PPM1E: variants seen among roughly 807,000 people sequenced by gnomAD.
PPM1E encodes protein phosphatase 1E.
PPM1E carries 20 observed loss-of-function variants against 65.9 expected under a neutral mutation model. The ratio of observed to expected loss-of-function variants is 0.30; its 90% CI spans 0.21 to 0.44. The LOEUF (loss-of-function observed/expected upper bound fraction) is 0.44, where lower values mean the gene tolerates loss of function less well. Among genes scored for constraint, PPM1E ranks in the 20% least tolerant of loss-of-function variants. The pLI is 1.00. For missense variants in PPM1E, 713 were observed against 953.1 expected (o/e 0.75, Z 3.32); for synonymous variants, 352 against 374.9 (o/e 0.94, Z 0.70).
At chr17:58,762,067 C>A (rs1208130902) in intron 1 of PPM1E, among the ~76,000 whole-genome samples, 1 of 152,020 alleles carries the variant, frequency 6.6e-6, no homozygotes, top group Non-Finnish European at 1.5e-5. Flanking sequence ...GGGGGTTGAC[C>A]GTGGCATCCT....
intron 1 of PPM1E, among the ~76,000 whole-genome samples, chr17:58,850,646 G>A (rs1476225497): frequency 6.6e-6 from 1 of 152,130 alleles, no homozygotes; most frequent in Non-Finnish European, 1.5e-5. Flanking sequence ...CAAGAGATCC[G>A]CTATTAGTCT....
At chr17:58,975,665 G>C (rs147112828) in intron 6 of PPM1E, among the ~76,000 whole-genome samples, 1 of 152,324 alleles carries the variant, frequency 6.6e-6, no homozygotes, top group East Asian at 1.9e-4. Context: ...GGAGGTTAGA[G>C]CAGAGATGGG....
chr17:58,841,034 G>A (rs1385204615), intron 1 of PPM1E, among the ~76,000 whole-genome samples: 3 of 152,108 alleles, frequency 2.0e-5, no homozygotes, highest in African/African-American at 4.8e-5. Flanking sequence ...TTGTGCAAAC[G>A]GGATGTTTGT....
Position 58,838,016 on chromosome 17 carries a change from A to G in PPM1E, c.464+81555A>G, listed in dbSNP as rs527778923. On this transcript the variant is annotated intron_variant, in intron 1 of 6. Coordinates refer to ENST00000308249, the MANE Select transcript of PPM1E (RefSeq NM_014906.5). ...ATTAAGAAAGTCCTCTGGAATGTAA[A>G]CATAGATGTTATACCTGTCACAAAA... is the stretch of plus-strand genomic sequence containing the variant. Among the ~76,000 whole-genome samples, 3 of 152,312 alleles carry G rather than the reference A, an allele frequency of 2.0e-5. No individual in the cohort carries two copies. In the South Asian group the frequency reaches 6.2e-4, roughly 32 times the overall value.
intron 1 of PPM1E, among the ~76,000 whole-genome samples, chr17:58,852,755 C>T (rs2050840612): frequency 6.6e-6 from 1 of 151,954 alleles, no homozygotes; most frequent in Non-Finnish European, 1.5e-5. Flanking sequence ...AGGTGCACAC[C>T]ACCACATCCA....
intron 1 of PPM1E, among the ~76,000 whole-genome samples, chr17:58,924,781 T>C: frequency 7.5e-6 from 1 of 132,572 alleles, no homozygotes; most frequent in East Asian, 2.6e-4. Context: ...CCTGTGTCCA[T>C]GTGTTCTCCT....
chr17:58,909,823 TC>T (rs1304027585), intron 1 of PPM1E, among the ~76,000 whole-genome samples: 6 of 151,986 alleles, frequency 3.9e-5, no homozygotes, highest in Admixed American at 3.9e-4. Flanking sequence ...TTCTTGGTGT[TC>T]TCTGAGATTT....
intron 1 of PPM1E, among the ~76,000 whole-genome samples, chr17:58,935,966 C>T (rs1044761445): frequency 6.6e-6 from 1 of 151,444 alleles, no homozygotes; most frequent in Non-Finnish European, 1.5e-5. Flanking sequence ...TGCTATCTCT[C>T]CCCCCTCCCG....
chr17:58,891,624 G>A (rs1294926747), intron 1 of PPM1E, among the ~76,000 whole-genome samples: 1 of 151,922 alleles, frequency 6.6e-6, no homozygotes, highest in Non-Finnish European at 1.5e-5. Context: ...CGCCTGGCTG[G>A]ATATATATCA....
At chr17:58,805,094 T>C (rs908012061) in intron 1 of PPM1E, among the ~76,000 whole-genome samples, 3 of 152,056 alleles carry the variant, frequency 2.0e-5, no homozygotes, top group African/African-American at 7.2e-5. Context: ...AGATCAACTT[T>C]TTAAAATTTT....
At chr17:58,758,222 A>G (rs1374339911) in intron 1 of PPM1E, among the ~76,000 whole-genome samples, 1 of 151,984 alleles carries the variant, frequency 6.6e-6, no homozygotes, top group Non-Finnish European at 1.5e-5. Flanking sequence ...TGATGGCAAG[A>G]AGATGTGTGT....
At chr17:58,828,873 GA>G (rs2143168445) in intron 1 of PPM1E, among the ~76,000 whole-genome samples, 1 of 152,148 alleles carries the variant, frequency 6.6e-6, no homozygotes, top group East Asian at 1.9e-4. Flanking sequence ...TTTTATTCTA[GA>G]AGATAAAGAT....
chr17:58,893,197 A>G (rs1290666889), intron 1 of PPM1E, among the ~76,000 whole-genome samples: 1 of 152,244 alleles, frequency 6.6e-6, no homozygotes, highest in African/African-American at 2.4e-5. Flanking sequence ...CACAACTTGG[A>G]AGCAACCAAG....
At chr17:58,825,718 C>T (rs2050529179) in intron 1 of PPM1E, among the ~76,000 whole-genome samples, 1 of 151,600 alleles carries the variant, frequency 6.6e-6, no homozygotes, top group Non-Finnish European at 1.5e-5. Context: ...TACAGGCACC[C>T]ACCACCATGC....
intron 1 of PPM1E, among the ~76,000 whole-genome samples, chr17:58,826,190 G>A (rs1451851352): frequency 6.6e-6 from 1 of 151,788 alleles, no homozygotes; most frequent in Non-Finnish European, 1.5e-5. Flanking sequence ...CAGCTACTTG[G>A]GAGGCTGAGG....
intron 3 of PPM1E, among the ~76,000 whole-genome samples, chr17:58,969,204 C>T (rs1192074849): frequency 2.0e-5 from 3 of 152,130 alleles, no homozygotes; most frequent in South Asian, 2.1e-4. Flanking sequence ...TCCCTATCCC[C>T]CCTCCCCCAA....
At chr17:58,884,697 C>G (rs2051245520) in intron 1 of PPM1E, among the ~76,000 whole-genome samples, 1 of 152,136 alleles carries the variant, frequency 6.6e-6, no homozygotes, top group African/African-American at 2.4e-5. Flanking sequence ...GAGTCTGCCA[C>G]TTACTAGCTA....
At position 58,965,718 on chromosome 17, in the gene PPM1E, G is replaced by C; in HGVS notation, c.608G>C (p.Arg203Pro). ...GAGATTGAGACAGTGAAATTGGCCC[G>C]TTCTGTCTTCAGCAAACTACACGAG... ...TVEIETVKLA[R>P]SVFSKLHEIC... The change falls in exon 3 of 7, where the codon CGT becomes CCT. Residue 203 changes from arginine to proline, a missense_variant. Physicochemically the swap from Arg to Pro is moderately radical, Grantham distance 103. Around this residue, in one of 6 missense-constraint regions of PPM1E, gnomAD observed 84 missense variants for 113.9 expected, o/e 0.74. Coordinates refer to ENST00000308249, the MANE Select transcript of PPM1E (RefSeq NM_014906.5). 6.2e-7 allele frequency: 1 copy of C among 1,614,058 alleles called. No individual in the cohort carries two copies.
chr17:58,932,591 A>G (rs967564437), intron 1 of PPM1E, among the ~76,000 whole-genome samples: 4 of 152,222 alleles, frequency 2.6e-5, no homozygotes, highest in Non-Finnish European at 4.4e-5. Context: ...GTGATCCAGC[A>G]CAGAAGGGCT....
Sources: allele counts gnomAD v4.1 joint callset (sites outside exome capture counted in the v4.1 genomes callset), GRCh38; gene constraint gnomAD v4.1.1; regional missense constraint gnomAD v4.1.1; transcripts MANE v1.5; gene names NCBI Gene and HGNC (gene_info 2026-07-23, HGNC 2026-07-21).